Variants in ADGRG4 observed in about 807,000 individuals in gnomAD.
ADGRG4 encodes the protein adhesion G protein-coupled receptor G4.
ADGRG4 carries 122 observed loss-of-function variants against 126.2 expected under a neutral mutation model. That is an observed-to-expected ratio of 0.97 (90% CI 0.83 to 1.12). The LOEUF (loss-of-function observed/expected upper bound fraction) is 1.12, where lower values mean the gene tolerates loss of function less well. ADGRG4 is among the 50% of genes most tolerant of loss of function. ADGRG4 has a pLI of 0.00. For synonymous variants in ADGRG4, 943 were observed against 838.7 expected (o/e 1.12, Z -2.15); for missense variants, 2,481 against 2,251.8 (o/e 1.10, Z -2.06).
At chrX:136,364,471 T>A (rs1287912931) in intron 13 of ADGRG4, among the ~76,000 whole-genome samples, 1 of 112,313 alleles carries the variant, frequency 8.9e-6, no homozygotes, top group East Asian at 2.8e-4. Flanking sequence ...CTCTTTCTTT[T>A]TTCCCCTTCT....
chrX:136,328,002 T>C (rs929926717), intron 5 of ADGRG4, among the ~76,000 whole-genome samples: 13 of 111,780 alleles, frequency 1.2e-4, no homozygotes, highest in African/African-American at 4.2e-4. Flanking sequence ...TAATAATTTC[T>C]TATATATCCT....
At chrX:136,357,504 C>T (rs751721385) in intron 9 of ADGRG4, among the ~76,000 whole-genome samples, 200 bp from the exon 10 acceptor site, 3 of 111,917 alleles carry the variant, frequency 2.7e-5, no homozygotes, top group Non-Finnish European at 5.6e-5. Context: ...ACAAAGAGGG[C>T]GACAATCCCT....
At chrX:136,412,397 T>C in intron 24 of ADGRG4, 31 bp downstream of exon 24, 1 of 909,663 alleles carries the variant, frequency 1.1e-6, no homozygotes, top group African/African-American at 1.9e-5. Flanking sequence ...AAGTTTTGAA[T>C]ATTACATGTT....
At chrX:136,318,238 A>T (rs1241676439) in intron 4 of ADGRG4, among the ~76,000 whole-genome samples, 1 of 112,276 alleles carries the variant, frequency 8.9e-6, no homozygotes, top group Non-Finnish European at 1.9e-5. Context: ...GACACATGGT[A>T]CAACATGGAT....
At chrX:136,387,933 T>G (rs186717835) in intron 16 of ADGRG4, 59 bp downstream of exon 16, 1 of 1,042,169 alleles carries the variant, frequency 9.6e-7, no homozygotes, top group African/African-American at 1.9e-5. Flanking sequence ...ATTGTAATTA[T>G]GAACTCTTGC....
Position 136,344,449 on chromosome X carries a change from A to C in ADGRG4, c.743A>C (p.Asp248Ala). 1 of 1,189,200 alleles carries C rather than the reference A, an allele frequency of 8.4e-7. No homozygotes were observed. Among genetic ancestry groups the C allele is most frequent in the Non-Finnish European group, 1.1e-6 (1 of 876,548 alleles). The change falls in exon 6 of 26, where the codon GAT becomes GCT. Residue 248 changes from aspartate (D) to alanine (A), a missense_variant. Coordinates refer to ENST00000394143, the MANE Select transcript of ADGRG4 (RefSeq NM_153834.4). ...EKSTTVSQQI[D>A]MTTPSQITGV... is the part of the protein sequence containing the mutation. ...AGTACAACTGTTTCACAACAGATAG[A>C]TATGACCACTCCATCCCAAATTACT...
chrX:136,345,986 A>G lies in ADGRG4; in HGVS notation c.2280A>G (p.Leu760=), dbSNP rs769301410. 8.3e-7 allele frequency: 1 copy of G among 1,208,838 alleles called. No homozygotes were observed. Among genetic ancestry groups the G allele is most frequent in the South Asian group, 1.8e-5 (1 of 56,540 alleles). The part of the protein sequence containing the change: ...NMPEFKLTTL[L]LKTIPMSTKP... The stretch of plus-strand genomic sequence containing the variant: ...CTGAATTTAAACTTACCACTTTACT[A>G]CTAAAAACAATACCTATGTCTACAA... Residue 760 remains leucine (L), a synonymous_variant, in exon 6 of 26, where the codon CTA becomes CTG. Coordinates refer to ENST00000394143, the MANE Select transcript of ADGRG4 (RefSeq NM_153834.4).
Position 136,344,460 on chromosome X carries a change from C to G in ADGRG4, c.754C>G (p.Pro252Ala), listed in dbSNP as rs1423393741. 5.9e-6 allele frequency: 7 copies of G among 1,192,171 alleles called. No individual in the cohort carries two copies. Among genetic ancestry groups the G allele is most frequent in the Admixed American group, 2.2e-5 (1 of 45,794 alleles). ...TVSQQIDMTT[P>A]SQITGVKPQN... ...TTCACAACAGATAGATATGACCACT[C>G]CATCCCAAATTACTGGAGTAAAACC... Residue 252 changes from proline to alanine, a missense_variant, in exon 6 of 26, where the codon CCA (proline) becomes GCA (alanine). Coordinates refer to ENST00000394143, the MANE Select transcript of ADGRG4 (RefSeq NM_153834.4).
Position 136,400,107 on chromosome X carries a change from G to A in ADGRG4, c.8566G>A (p.Val2856Ile). 1 of 1,187,014 alleles carries A rather than the reference G, an allele frequency of 8.4e-7. No homozygotes were observed. The highest frequency in any genetic ancestry group is 1.1e-6 in the Non-Finnish European group (1 of 874,187). The stretch of plus-strand genomic sequence containing the variant: ...AAATTATATCCTTAAATTTTGTCTA[G>A]TTGGTTGGGGTAAGTATATCTGCCA... Reference protein sequence around the residue: ...IPNYILKFCLVGWGIPAIMVA... With the variant: ...IPNYILKFCLIGWGIPAIMVA... Residue 2856 changes from valine to isoleucine, a missense_variant, in exon 21 of 26, where the codon GTT (valine) becomes ATT (isoleucine). By Grantham distance (29) the Val-to-Ile change is conservative. Coordinates refer to ENST00000394143, the MANE Select transcript of ADGRG4 (RefSeq NM_153834.4).
At chrX:136,387,702 G>A in intron 15 of ADGRG4, 38 bp from the exon 16 acceptor site, 1 of 1,189,443 alleles carries the variant, frequency 8.4e-7, no homozygotes, top group Non-Finnish European at 1.1e-6. Context: ...TATGATGAAT[G>A]AAGACTCCAA....
rs901949385 is a variant in ADGRG4, at chrX:136,345,007, G to T, written c.1301G>T (p.Gly434Val). The T allele has an allele frequency of 8.3e-7, 1 of 1,211,227 alleles. No individual in the cohort carries two copies. Among genetic ancestry groups the T allele is most frequent in the South Asian group, 1.8e-5 (1 of 56,935 alleles). The change falls in exon 6 of 26, where the codon GGC (glycine) becomes GTC (valine). Residue 434 changes from glycine to valine, a missense_variant. Physicochemically the swap from Gly to Val is moderately radical, Grantham distance 109. Transcript: ENST00000394143. ...NTGALPISTA[G>V]QEFIESTAAG... is the part of the protein sequence containing the mutation. ...GGGGCACTCCCTATCTCCACAGCTG[G>T]CCAGGAGTTCATTGAATCTACAGCT...
Position 136,349,102 on chromosome X carries a change from C to T in ADGRG4, c.5396C>T (p.Thr1799Ile), listed in dbSNP as rs1456827325. The change falls in exon 6 of 26, where the codon ACT becomes ATT. Residue 1799 changes from threonine (T) to isoleucine (I), a missense_variant. Transcript: ENST00000394143. ...NCFSSNTRKM[T>I]SLLEKTSLTN... ...TTTTCTTCTAATACTAGAAAGATGA[C>T]TTCCTTGTTAGAAAAGACTTCCTTA... The T allele has an allele frequency of 8.3e-7, 1 of 1,205,074 alleles. No individual in the cohort carries two copies. Among genetic ancestry groups the T allele is most frequent in the Admixed American group, 2.2e-5 (1 of 45,489 alleles).
At chrX:136,402,936 G>A (rs1254639309) in intron 21 of ADGRG4, among the ~76,000 whole-genome samples, 3 of 111,776 alleles carry the variant, frequency 2.7e-5, no homozygotes, top group Non-Finnish European at 3.8e-5. Flanking sequence ...TGCTTGATGC[G>A]AACTTGCATT....
chrX:136,350,106 T>G lies in ADGRG4; in HGVS notation c.6400T>G (p.Ser2134Ala), dbSNP rs747811937. Residue 2134 changes from serine (S) to alanine (A), a missense_variant, in exon 6 of 26, where the codon TCT becomes GCT. By Grantham distance (99) the Ser-to-Ala change is moderately conservative (BLOSUM62 1). Transcript: ENST00000394143. Reference sequence around the variant, plus strand: ...CTTCAGCAGAAAGACTATGTCACCTTCTACAACTGACCACACTCTATCTGT... The same window carrying G: ...CTTCAGCAGAAAGACTATGTCACCTGCTACAACTGACCACACTCTATCTGT... ...SSFSRKTMSP[S>A]TTDHTLSVGA... 9.9e-6 allele frequency: 12 copies of G among 1,209,061 alleles called. No homozygotes were observed. In the East Asian group the frequency reaches 3.0e-4, roughly 30 times the overall value.
At chrX:136,392,142 G>A in intron 16 of ADGRG4, 90 bp from the exon 17 acceptor site, 1 of 770,822 alleles carries the variant, frequency 1.3e-6, no homozygotes, top group Non-Finnish European at 1.8e-6. Context: ...ACCTAACATT[G>A]TGTGTAGCAC....
intron 5 of ADGRG4, among the ~76,000 whole-genome samples, chrX:136,330,784 A>C (rs1427532566): frequency 8.9e-6 from 1 of 111,756 alleles, no homozygotes; most frequent in Non-Finnish European, 1.9e-5. Flanking sequence ...TGAAATAATC[A>C]TATCATGGTA....
At chrX:136,413,239 T>A (rs1381351843) in intron 24 of ADGRG4, among the ~76,000 whole-genome samples, 2 of 62,614 alleles carry the variant, frequency 3.2e-5, no homozygotes. Context: ...CCCTCCCCCC[T>A]CCCCGCACCC....
intron 4 of ADGRG4, among the ~76,000 whole-genome samples, chrX:136,316,404 C>T (rs1248363103): frequency 4.6e-5 from 5 of 109,052 alleles, no homozygotes; most frequent in East Asian, 2.9e-4. Flanking sequence ...AAAAAAAAAA[C>T]AAACCATTCA....
At chrX:136,356,866 G>C (rs1327951969) in intron 9 of ADGRG4, among the ~76,000 whole-genome samples, 2 of 111,127 alleles carry the variant, frequency 1.8e-5, no homozygotes, top group Non-Finnish European at 3.8e-5. Flanking sequence ...AGCCAGGCAC[G>C]GTGGTGCATT....
Sources: allele counts gnomAD v4.1 joint callset (sites outside exome capture counted in the v4.1 genomes callset), GRCh38; gene constraint gnomAD v4.1.1; transcripts MANE v1.5; gene names NCBI Gene and HGNC (gene_info 2026-07-23, HGNC 2026-07-21).